PCDHA5: variants seen among roughly 807,000 people sequenced by gnomAD.
The protein encoded by PCDHA5 is protocadherin alpha-5.
PCDHA5 carries 43 observed loss-of-function variants against 61.6 expected under a neutral mutation model. The ratio of observed to expected loss-of-function variants is 0.70; its 90% CI spans 0.55 to 0.90. PCDHA5 has a LOEUF of 0.90. Among genes scored for constraint, PCDHA5 ranks in the 40% least tolerant of loss-of-function variants. The pLI is 0.00. For missense variants in PCDHA5, 1,298 were observed against 1,222.7 expected, an observed-to-expected ratio of 1.06 and a Z score of -0.92; for synonymous variants, 627 against 543.9, an observed-to-expected ratio of 1.15 and a Z score of -2.13.
At chr5:140,875,991 T>C in intron 1 of PCDHA5, 2 of 1,613,966 alleles carry the variant, frequency 1.2e-6, no homozygotes, top group South Asian at 2.2e-5. Context: ...ATGCGTTAAG[T>C]CTAAATGAGA....
At chr5:141,007,395 CAAAAAAAA>C (rs35800918) in intron 3 of PCDHA5, among the ~76,000 whole-genome samples, 98 of 94,844 alleles carry the variant, frequency 1.0e-3, no homozygotes, top group African/African-American at 2.9e-3. Context: ...TACTAAAATA[CAAAAAAAA>C]AAAAAAAAAA....
chr5:140,857,187 C>T (rs202051639), intron 1 of PCDHA5: 3 of 1,598,516 alleles, frequency 1.9e-6, no homozygotes, highest in Admixed American at 1.7e-5. Context: ...GATTCAGGAG[C>T]CAACGGACAG....
At chr5:140,954,406 G>A (rs556455987) in intron 1 of PCDHA5, among the ~76,000 whole-genome samples, 2 of 152,268 alleles carry the variant, frequency 1.3e-5, no homozygotes, top group East Asian at 3.9e-4. Flanking sequence ...CACCAACAGG[G>A]TAAAGGTGTT....
intron 1 of PCDHA5, among the ~76,000 whole-genome samples, chr5:140,892,806 A>G (rs1262963314): frequency 2.6e-5 from 4 of 152,228 alleles, no homozygotes; most frequent in African/African-American, 7.2e-5. Flanking sequence ...ATAGTTAACC[A>G]TATTTATCCT....
intron 1 of PCDHA5, among the ~76,000 whole-genome samples, chr5:140,977,568 G>A (rs547387044): frequency 1.3e-5 from 2 of 152,312 alleles, no homozygotes; most frequent in East Asian, 1.9e-4. Context: ...TAGCAGATTG[G>A]TAGAATAGAG....
chr5:140,989,240 C>T (rs1180879985), intron 3 of PCDHA5, among the ~76,000 whole-genome samples: 1 of 152,152 alleles, frequency 6.6e-6, no homozygotes, highest in Non-Finnish European at 1.5e-5. Flanking sequence ...AAGTTTTAAG[C>T]CCCTTGTCAA....
intron 1 of PCDHA5, chr5:140,875,158 AC>A: frequency 3.0e-6 from 1 of 338,826 alleles, no homozygotes; most frequent in East Asian, 5.5e-5. Flanking sequence ...GTGAAAAATA[AC>A]CCAAAGTCGA....
intron 1 of PCDHA5, chr5:140,836,721 C>G: frequency 1.9e-6 from 3 of 1,612,166 alleles, no homozygotes; most frequent in Non-Finnish European, 2.5e-6. Context: ...TCCTCAGGGT[C>G]CATCCTCTAC....
chr5:140,997,123 A>T (rs1409528818), intron 3 of PCDHA5, among the ~76,000 whole-genome samples: 1 of 152,070 alleles, frequency 6.6e-6, no homozygotes, highest in African/African-American at 2.4e-5. Flanking sequence ...TCCCACATAC[A>T]CAATGCCCCC....
intron 1 of PCDHA5, chr5:140,966,814 C>T: frequency 1.9e-6 from 3 of 1,552,444 alleles, no homozygotes; most frequent in East Asian, 2.4e-5. Context: ...ATCCACGGCT[C>T]CGGCGGCCCA....
chr5:140,919,821 T>C (rs944662452), intron 1 of PCDHA5, among the ~76,000 whole-genome samples: 1 of 152,230 alleles, frequency 6.6e-6, no homozygotes, highest in Non-Finnish European at 1.5e-5. Flanking sequence ...CAAAAATATA[T>C]GTCCACATAG....
In PCDHA5 at chr5:140,836,909, CTTTTG is replaced by C. The variant is rs2150271100; in HGVS notation, c.2352+12788_2352+12792del. On this transcript the variant is annotated intron_variant, in intron 1 of 3. Coordinates refer to ENST00000529859, the MANE Select transcript of PCDHA5 (RefSeq NM_018908.3). ...TATTTGGAAGTACGTTTAATATACACTTTTGTTTTGGGATGCGTAATACTATAGAT... is the reference window on the plus strand; with the variant it reads ...TATTTGGAAGTACGTTTAATATACACTTTTGGGATGCGTAATACTATAGAT... 186 of 579,744 alleles carry C rather than the reference CTTTTG, an allele frequency of 3.2e-4. 4 individuals carry two copies. The highest frequency in any genetic ancestry group is 1.5e-3 in the South Asian group (53 of 34,270). 35.9% of individuals were successfully genotyped at this position (579,744 alleles called of 1,614,324 possible).
At chr5:140,915,105 C>T (rs1554196760) in intron 1 of PCDHA5, among the ~76,000 whole-genome samples, 1 of 152,020 alleles carries the variant, frequency 6.6e-6, no homozygotes, top group East Asian at 1.9e-4. Flanking sequence ...ACCACCACAA[C>T]ACCCACCTAA....
Position 141,009,608 on chromosome 5 carries a change from G to T in PCDHA5, c.2501-19G>T, listed in dbSNP as rs1350951999. On this transcript the variant is annotated intron_variant, in intron 3 of 3. Coordinates refer to ENST00000529859, the MANE Select transcript of PCDHA5 (RefSeq NM_018908.3). Reference sequence around the variant, plus strand: ...CATGTGTTGACCCTGTTAATGATTTGTAATGTTTTGTCTTTCAGAACCAGA... The same window carrying T: ...CATGTGTTGACCCTGTTAATGATTTTTAATGTTTTGTCTTTCAGAACCAGA... 1 of 1,610,774 alleles carries T rather than the reference G, an allele frequency of 6.2e-7. No individual in the cohort carries two copies. The highest frequency in any genetic ancestry group is 2.2e-5 in the East Asian group (1 of 44,832).
intron 1 of PCDHA5, chr5:140,929,574 G>A: frequency 2.2e-6 from 1 of 448,534 alleles, no homozygotes; most frequent in Non-Finnish European, 3.9e-6. Flanking sequence ...AACAATAAAA[G>A]TAATATGACA....
intron 1 of PCDHA5, chr5:140,883,871 G>C: frequency 1.9e-6 from 3 of 1,613,242 alleles, no homozygotes; most frequent in Non-Finnish European, 2.5e-6. Context: ...GCAGTTCCAG[G>C]TGAGCGCGCG....
At chr5:140,976,787 C>T (rs1460336492) in intron 1 of PCDHA5, among the ~76,000 whole-genome samples, 3 of 152,150 alleles carry the variant, frequency 2.0e-5, no homozygotes, top group Admixed American at 6.5e-5. Flanking sequence ...TATATAGCTA[C>T]GCTTTTATGA....
At chr5:140,841,320 A>C (rs2150313499) in intron 1 of PCDHA5, 1 of 1,602,072 alleles carries the variant, frequency 6.2e-7, no homozygotes, top group Non-Finnish European at 8.5e-7. Flanking sequence ...CGACTATTTA[A>C]CATGGATTAT....
chr5:140,850,702 A>AAG, intron 1 of PCDHA5: 1 of 1,598,166 alleles, frequency 6.3e-7, no homozygotes, highest in Non-Finnish European at 8.6e-7. Flanking sequence ...GCGCCTGGCA[A>AAG]GCCGACGCTG....
Sources: allele counts gnomAD v4.1 joint callset (sites outside exome capture counted in the v4.1 genomes callset), GRCh38; gene constraint gnomAD v4.1.1; transcripts MANE v1.5; gene names NCBI Gene and HGNC (gene_info 2026-07-23, HGNC 2026-07-21).